The following ZNF438 variants were observed in gnomAD, a reference collection of about 807,000 sequenced individuals.
ZNF438 encodes the protein zinc finger protein 438.
ZNF438 carries 25 observed loss-of-function variants against 38.0 expected under a neutral mutation model. That is an observed-to-expected ratio of 0.66 (90% CI 0.48 to 0.92). ZNF438 has a LOEUF of 0.92. Ranked by LOEUF, ZNF438 falls within the 40% of genes least tolerant of loss-of-function variation. The probability of loss-of-function intolerance (pLI) is 0.00; values close to 1 mark genes in which losing one functional copy is unlikely to be tolerated. For missense variants in ZNF438, 1,007 were observed against 999.6 expected, an observed-to-expected ratio of 1.01 and a Z score of -0.10; for synonymous variants, 372 against 364.1, an observed-to-expected ratio of 1.02 and a Z score of -0.25.
Position 30,885,705 on chromosome 10 carries a change from T to C in ZNF438, c.-31-8640A>G, listed in dbSNP as rs149227765. On this transcript the variant is annotated intron_variant, in intron 3 of 5. Coordinates refer to ENST00000413025, the Ensembl canonical transcript of ZNF438. ...CTGCCCCTCATCCCTTTCCCATGCA[T>C]ACATGTACCTATAGACAAGGGTGTT... 2.1e-3 allele frequency among the ~76,000 whole-genome samples: 325 copies of C among 152,290 alleles called. 1 individual carries two copies. The highest frequency in any genetic ancestry group is 7.1e-3 in the African/African-American group (294 of 41,550).
intron 1 of ZNF438, among the ~76,000 whole-genome samples, chr10:31,005,271 A>G (rs1217260844): frequency 2.0e-5 from 3 of 152,058 alleles, no homozygotes; most frequent in Non-Finnish European, 2.9e-5. Context: ...GTGTGTACAT[A>G]TGTGTGTGTG....
intron 1 of ZNF438, among the ~76,000 whole-genome samples, chr10:31,025,392 T>C (rs952339447): frequency 6.6e-6 from 1 of 152,214 alleles, no homozygotes; most frequent in Non-Finnish European, 1.5e-5. Context: ...ACCAAAAATG[T>C]TTTCTAGACA....
intron 3 of ZNF438, among the ~76,000 whole-genome samples, chr10:30,902,675 T>C (rs1193530346): frequency 6.6e-6 from 1 of 152,190 alleles, no homozygotes; most frequent in Non-Finnish European, 1.5e-5. Flanking sequence ...TGCTGACTGG[T>C]GCACTCACAA....
At chr10:30,984,568 A>T (rs1483029591) in intron 1 of ZNF438, 142 bp from the exon 2 acceptor site, 3 of 152,208 alleles carry the variant, frequency 2.0e-5, no homozygotes, top group Admixed American at 2.0e-4. Context: ...AATGTAGAAG[A>T]AAATAATTCC....
Position 30,969,795 on chromosome 10 carries a change from C to T in ZNF438, c.-191-28144G>A, listed in dbSNP as rs551973093. On this transcript the variant is annotated intron_variant, in intron 1 of 5. Coordinates refer to ENST00000413025, the Ensembl canonical transcript of ZNF438. ...GTTATTTGTGACTTCATAACCAAAA[C>T]CAAAACCAAACCAAAGCAAGGTAAG... Among the ~76,000 whole-genome samples, 9 of 151,982 alleles carry T rather than the reference C, an allele frequency of 5.9e-5. No individual in the cohort carries two copies. The South Asian group carries it at 1.7e-3, about 28-fold the overall frequency.
intron 1 of ZNF438, among the ~76,000 whole-genome samples, chr10:31,007,528 C>G (rs1388320592): frequency 6.6e-6 from 1 of 152,114 alleles, no homozygotes; most frequent in Non-Finnish European, 1.5e-5. Flanking sequence ...GATCTGCCCG[C>G]CTTGGCCTCC....
chr10:30,845,212 G>A (rs751254635), exon 6 of ZNF438: 5 of 1,614,180 alleles, frequency 3.1e-6, no homozygotes, highest in Non-Finnish European at 4.2e-6. Flanking sequence ...CCTGACTGGG[G>A]TCCTTCATTT....
At chr10:30,980,858 T>C (rs2052047016) in intron 1 of ZNF438, among the ~76,000 whole-genome samples, 1 of 152,204 alleles carries the variant, frequency 6.6e-6, no homozygotes, top group South Asian at 2.1e-4. Flanking sequence ...TTAGAATTAT[T>C]TTATGTCTAC....
At chr10:31,016,274 C>A (rs1253241954) in intron 1 of ZNF438, among the ~76,000 whole-genome samples, 1 of 152,036 alleles carries the variant, frequency 6.6e-6, no homozygotes, top group Admixed American at 6.5e-5. Flanking sequence ...AGCTTTATTT[C>A]TAAAGTGTTG....
At chr10:31,013,395 A>T (rs1049254373) in intron 1 of ZNF438, among the ~76,000 whole-genome samples, 1 of 151,840 alleles carries the variant, frequency 6.6e-6, no homozygotes, top group Admixed American at 6.6e-5. Context: ...GACCCTTCTC[A>T]CTGCTGCCAT....
chr10:30,986,836 TA>T (rs1281690121), intron 1 of ZNF438, among the ~76,000 whole-genome samples: 1 of 152,166 alleles, frequency 6.6e-6, no homozygotes, highest in Non-Finnish European at 1.5e-5. Flanking sequence ...GCTCAATCTG[TA>T]GTAAGCAGAC....
chr10:30,882,354 T>C (rs1424559014), intron 3 of ZNF438, among the ~76,000 whole-genome samples: 1 of 152,156 alleles, frequency 6.6e-6, no homozygotes, highest in Non-Finnish European at 1.5e-5. Context: ...AGCTAATCCC[T>C]TCCTACCAAC....
intron 4 of ZNF438, among the ~76,000 whole-genome samples, chr10:30,853,174 G>A (rs1433109005): frequency 6.6e-6 from 1 of 152,038 alleles, no homozygotes; most frequent in Non-Finnish European, 1.5e-5. Context: ...AGAAAATATT[G>A]GGTCATTTAT....
At chr10:30,957,594 C>A (rs1031550080) in intron 1 of ZNF438, among the ~76,000 whole-genome samples, 21 of 152,052 alleles carry the variant, frequency 1.4e-4, no homozygotes, top group Admixed American at 3.9e-4. Context: ...TTTCCTAGCC[C>A]CATTTATTTC....
intron 1 of ZNF438, among the ~76,000 whole-genome samples, chr10:30,953,651 CAT>C (rs1179282504): frequency 2.5e-5 from 2 of 79,648 alleles, no homozygotes; most frequent in South Asian, 3.3e-4. Flanking sequence ...AAAAAAAAAA[CAT>C]ACACACACAC....
intron 1 of ZNF438, among the ~76,000 whole-genome samples, chr10:31,014,861 TA>T (rs2056053986): frequency 8.2e-5 from 1 of 12,152 alleles, no homozygotes; most frequent in Admixed American, 7.4e-4. Context: ...TGTGTGTGTG[TA>T]TATATATATA....
At chr10:30,956,800 A>C (rs1056921588) in intron 1 of ZNF438, among the ~76,000 whole-genome samples, 55 of 152,182 alleles carry the variant, frequency 3.6e-4, no homozygotes, top group African/African-American at 1.3e-3. Flanking sequence ...ATAAACACTT[A>C]GGTTGATTCC....
intron 1 of ZNF438, among the ~76,000 whole-genome samples, chr10:30,982,780 T>G (rs1361888467): frequency 6.6e-6 from 1 of 152,230 alleles, no homozygotes; most frequent in East Asian, 1.9e-4. Context: ...TTCCTTCTTA[T>G]AAGTCTTTTA....
At chr10:30,968,405 G>C (rs1164071270) in intron 1 of ZNF438, among the ~76,000 whole-genome samples, 4 of 146,710 alleles carry the variant, frequency 2.7e-5, no homozygotes, top group Non-Finnish European at 6.0e-5. Context: ...TTCTAAGCCA[G>C]AAGCTTAGAG....
Sources: allele counts gnomAD v4.1 joint callset (sites outside exome capture counted in the v4.1 genomes callset), GRCh38; gene constraint gnomAD v4.1.1; transcripts MANE v1.5; gene names NCBI Gene and HGNC (gene_info 2026-07-23, HGNC 2026-07-21).